Variants in SORBS2 observed in about 807,000 individuals in gnomAD.
SORBS2 encodes sorbin and SH3 domain-containing protein 2.
A neutral mutation model predicts 97.7 loss-of-function variants in SORBS2; 46 were observed. The ratio of observed to expected loss-of-function variants is 0.47; its 90% CI spans 0.37 to 0.60. The LOEUF (loss-of-function observed/expected upper bound fraction) is 0.60, where lower values mean the gene tolerates loss of function less well. Among genes scored for constraint, SORBS2 ranks in the 20% least tolerant of loss-of-function variants. The pLI is 0.00. For missense variants in SORBS2, 1,316 were observed against 1,282.3 expected, an observed-to-expected ratio of 1.03 and a Z score of -0.40; for synonymous variants, 476 against 473.4, an observed-to-expected ratio of 1.01 and a Z score of -0.07.
intron 1 of SORBS2, among the ~76,000 whole-genome samples, chr4:185,882,559 G>T (rs920019250): frequency 3.9e-5 from 6 of 152,108 alleles, no homozygotes; most frequent in Non-Finnish European, 7.4e-5. Flanking sequence ...AATTCCAGCA[G>T]CATTCTTTTT....
At chr4:185,909,721 T>G (rs997294707) in intron 1 of SORBS2, among the ~76,000 whole-genome samples, 2 of 152,158 alleles carry the variant, frequency 1.3e-5, no homozygotes, top group African/African-American at 4.8e-5. Context: ...GGTCAAGAAC[T>G]CTAAACTAGG....
intron 4 of SORBS2, among the ~76,000 whole-genome samples, chr4:185,671,892 A>T (rs79695575): frequency 6.6e-6 from 1 of 152,202 alleles, no homozygotes; most frequent in African/African-American, 2.4e-5. Context: ...ATGCCCATCT[A>T]TTGGGAGATG....
At chr4:185,803,400 A>G (rs1165673977) in intron 1 of SORBS2, among the ~76,000 whole-genome samples, 1 of 152,240 alleles carries the variant, frequency 6.6e-6, no homozygotes, top group African/African-American at 2.4e-5. Flanking sequence ...CGAAATCATT[A>G]TGATGTAATA....
chr4:185,599,407 G>A lies in SORBS2; in HGVS notation c.2797-5472C>T, dbSNP rs566133825. Reference sequence around the variant, plus strand: ...TATGGAACGAAGTAGCTAAGGGAAAGTAATTTGACCTTTAAGTTCAATCAG... The same window carrying A: ...TATGGAACGAAGTAGCTAAGGGAAAATAATTTGACCTTTAAGTTCAATCAG... On this transcript the variant is annotated intron_variant, in intron 12 of 14. Transcript: ENST00000418609. Among the ~76,000 whole-genome samples the A allele has an allele frequency of 9.7e-4, 148 of 152,332 alleles. 1 individual carries two copies. Among genetic ancestry groups the A allele is most frequent in the Middle Eastern group, 3.4e-3 (1 of 294 alleles).
At chr4:185,721,662 T>C (rs2098515782) in intron 2 of SORBS2, among the ~76,000 whole-genome samples, 1 of 152,204 alleles carries the variant, frequency 6.6e-6, no homozygotes, top group Admixed American at 6.5e-5. Context: ...CAAAGTCAAA[T>C]ATTTTACTGT....
chr4:185,818,825 CAA>C (rs111877772), intron 1 of SORBS2, among the ~76,000 whole-genome samples: 1 of 131,282 alleles, frequency 7.6e-6, no homozygotes, highest in African/African-American at 2.9e-5. Flanking sequence ...GACTCTGTCT[CAA>C]AAAAAAAAAA....
intron 1 of SORBS2, among the ~76,000 whole-genome samples, chr4:185,858,634 C>G (rs190450682): frequency 5.5e-4 from 84 of 152,270 alleles, no homozygotes; most frequent in African/African-American, 1.9e-3. Context: ...TAGTGGGCCA[C>G]TAAGGGAGAG....
chr4:185,903,705 G>A (rs1038370760), intron 1 of SORBS2, among the ~76,000 whole-genome samples: 2 of 152,180 alleles, frequency 1.3e-5, no homozygotes, highest in Non-Finnish European at 2.9e-5. Flanking sequence ...GGATAACGAT[G>A]GAATGGCCTA....
intron 1 of SORBS2, among the ~76,000 whole-genome samples, chr4:185,952,031 CTT>C (rs72052066): frequency 0.2 from 26,043 of 127,558 alleles, 2,789 homozygotes; most frequent in East Asian, 0.58. Context: ...AAAATAGCTT[CTT>C]TTTTTTTTTT....
At chr4:185,943,311 T>C (rs2099272994) in intron 1 of SORBS2, among the ~76,000 whole-genome samples, 1 of 152,204 alleles carries the variant, frequency 6.6e-6, no homozygotes, top group Admixed American at 6.5e-5. Flanking sequence ...AAGGGAAAAC[T>C]TTTCTTTTTG....
intron 4 of SORBS2, among the ~76,000 whole-genome samples, chr4:185,669,109 A>T (rs1275239139): frequency 6.6e-6 from 1 of 152,156 alleles, no homozygotes. Context: ...ACCAATCAAC[A>T]CTGGAGCTCC....
At chr4:185,908,141 A>G (rs2099252187) in intron 1 of SORBS2, among the ~76,000 whole-genome samples, 2 of 151,640 alleles carry the variant, frequency 1.3e-5, no homozygotes, top group Non-Finnish European at 2.9e-5. Flanking sequence ...GCTGCTTCAC[A>G]CACATTCTAT....
At chr4:185,672,687 G>A (rs2097730679) in intron 4 of SORBS2, among the ~76,000 whole-genome samples, 1 of 152,176 alleles carries the variant, frequency 6.6e-6, no homozygotes, top group Non-Finnish European at 1.5e-5. Flanking sequence ...ACAAAACTAT[G>A]TAAATAAAAC....
chr4:185,939,073 A>G (rs892434975), intron 1 of SORBS2, among the ~76,000 whole-genome samples: 1 of 152,228 alleles, frequency 6.6e-6, no homozygotes, highest in African/African-American at 2.4e-5. Flanking sequence ...TCTTTTGTTC[A>G]GCCCTTTAAC....
intron 1 of SORBS2, among the ~76,000 whole-genome samples, chr4:185,834,299 G>T (rs981107582): frequency 3.9e-5 from 6 of 151,978 alleles, no homozygotes; most frequent in African/African-American, 1.5e-4. Flanking sequence ...CTCCCACCAG[G>T]CTCCACCTCC....
chr4:185,689,908 G>A (rs1422457078), intron 2 of SORBS2, among the ~76,000 whole-genome samples: 1 of 152,180 alleles, frequency 6.6e-6, no homozygotes, highest in Non-Finnish European at 1.5e-5. Context: ...ACTTTGTATT[G>A]TATATTTCAA....
intron 1 of SORBS2, among the ~76,000 whole-genome samples, chr4:185,947,807 C>T (rs2099275270): frequency 6.6e-6 from 1 of 152,132 alleles, no homozygotes; most frequent in African/African-American, 2.4e-5. Context: ...GACGAGGTTT[C>T]ACCAGGTTGG....
chr4:185,845,640 A>G (rs1261604811), intron 1 of SORBS2, among the ~76,000 whole-genome samples: 1 of 152,232 alleles, frequency 6.6e-6, no homozygotes, highest in Non-Finnish European at 1.5e-5. Flanking sequence ...AATATTCACA[A>G]AATATGTATC....
rs2097806004 is a variant in SORBS2, at chr4:185,677,519, G to A, written c.-46+904C>T. On this transcript the variant is annotated intron_variant, in intron 4 of 20. Coordinates refer to the SORBS2 transcript ENST00000284776. ...CCTGAAGAGGTTTTTTGTTAGCAAA[G>A]TACTCTGTACTGGAGGGAATTTGTG... 5 of 1,551,006 alleles carry A rather than the reference G, an allele frequency of 3.2e-6. No individual in the cohort carries two copies. The South Asian group carries it at 4.8e-5, about 15-fold the overall frequency.
Sources: gnomAD v4.1 joint callset for allele counts (sites outside exome capture counted in the v4.1 genomes callset) on GRCh38, gnomAD v4.1.1 for gene constraint, MANE v1.5 for transcripts, NCBI Gene and HGNC (gene_info 2026-07-23, HGNC 2026-07-21) for gene names.